The following UNC80 variants were observed in gnomAD, a reference collection of about 807,000 sequenced individuals.
The protein encoded by UNC80 is unc-80 subunit of NALCN channel complex, also known as protein unc-80 homolog.
In UNC80, 164 loss-of-function variants were observed where a neutral mutation model predicts 384.6. The observed-to-expected ratio is 0.43, with a 90% confidence interval of 0.38 to 0.49. UNC80 has a LOEUF of 0.49. Among genes scored for constraint, UNC80 ranks in the 20% least tolerant of loss-of-function variants. UNC80 has a pLI of 0.00. For missense variants in UNC80, 3,330 were observed against 4,143.0 expected (o/e 0.80, Z 5.39); for synonymous variants, 1,486 against 1,527.8 (o/e 0.97, Z 0.64).
intron 41 of UNC80, 27 bp downstream of exon 41, chr2:209,936,960 T>C (rs1451619113): frequency 2.0e-6 from 3 of 1,466,056 alleles, no homozygotes; most frequent in Non-Finnish European, 1.9e-6. Context: ...GACATCCCCG[T>C]TGAGTTGTGC....
chr2:209,917,856 G>A lies in UNC80; in HGVS notation c.5109G>A (p.Glu1703=), dbSNP rs936338055. 1.3e-6 allele frequency: 2 copies of A among 1,551,908 alleles called. No homozygotes were observed. Among genetic ancestry groups the A allele is most frequent in the Admixed American group, 2.0e-5 (1 of 50,984 alleles). The change falls in exon 32 of 65, where the codon GAG becomes GAA. Residue 1703 remains glutamate, a synonymous_variant. Coordinates refer to ENST00000673920, the MANE Select transcript of UNC80 (RefSeq NM_001371986.1). ...TGATGTCAGAGTTCCACCACCCGGA[G>A]ACTGTGCAGAGGCTGAACGCTGTCC... ...DMLMSEFHHP[E]TVQRLNAVLK... is the part of the protein sequence containing the mutation.
chr2:209,944,215 C>G (rs1032132049), intron 45 of UNC80, among the ~76,000 whole-genome samples: 1 of 152,174 alleles, frequency 6.6e-6, no homozygotes, highest in African/African-American at 2.4e-5. Flanking sequence ...TTTAAATATT[C>G]AATTCATAAA....
intron 47 of UNC80, among the ~76,000 whole-genome samples, chr2:209,949,218 G>C (rs1391584461): frequency 6.6e-6 from 1 of 152,174 alleles, no homozygotes; most frequent in Non-Finnish European, 1.5e-5. Context: ...AGGAGTAGAA[G>C]AGATATTCTA....
At chr2:209,986,055 G>T (rs1364302085) in intron 61 of UNC80, among the ~76,000 whole-genome samples, 1 of 152,172 alleles carries the variant, frequency 6.6e-6, no homozygotes, top group Non-Finnish European at 1.5e-5. Flanking sequence ...GCTGCAGAAT[G>T]CAGACTTAAT....
chr2:209,817,636 A>G (rs550425011), intron 10 of UNC80, among the ~76,000 whole-genome samples, 176 bp from the exon 11 acceptor site: 8 of 152,278 alleles, frequency 5.3e-5, no homozygotes, highest in Non-Finnish European at 8.8e-5. Flanking sequence ...AGCTTCATCA[A>G]TCATCCTGAC....
chr2:209,825,910 G>C lies in UNC80; in HGVS notation c.2335G>C (p.Glu779Gln). 1 of 1,536,672 alleles carries C rather than the reference G, an allele frequency of 6.5e-7. No individual in the cohort carries two copies. Among genetic ancestry groups the C allele is most frequent in the Middle Eastern group, 1.7e-4 (1 of 5,896 alleles). The change falls in exon 14 of 65, where the codon GAA becomes CAA. Residue 779 changes from glutamate to glutamine, a missense_variant. Transcript: ENST00000673920. ...CTTTCTCATTCGTGGGTACCAGGAT[G>C]AAAGTACACCTGTAAGCAACCATAG... is the stretch of plus-strand genomic sequence containing the variant. The part of the protein sequence containing the change: ...EKNDKNQEKD[E>Q]STPVSNHRLA...
intron 18 of UNC80, among the ~76,000 whole-genome samples, chr2:209,838,067 G>A (rs531907599): frequency 1.2e-4 from 19 of 152,038 alleles, no homozygotes; most frequent in Non-Finnish European, 2.4e-4. Flanking sequence ...CACTGCGCCC[G>A]GCCTTGTACC....
At chr2:209,911,085 C>G (rs1382489796) in intron 29 of UNC80, among the ~76,000 whole-genome samples, 4 of 152,040 alleles carry the variant, frequency 2.6e-5, no homozygotes, top group Admixed American at 1.3e-4. Flanking sequence ...CCTTGGGAAA[C>G]TTACAATCAT....
chr2:209,985,877 T>C (rs1266365523), intron 61 of UNC80, among the ~76,000 whole-genome samples: 3 of 152,220 alleles, frequency 2.0e-5, no homozygotes, highest in East Asian at 3.8e-4. Flanking sequence ...TCTTTTGTTT[T>C]CTTTGCATCT....
At chr2:209,969,724 C>G in intron 52 of UNC80, 44 bp from the exon 53 acceptor site, 1 of 1,549,618 alleles carries the variant, frequency 6.5e-7, no homozygotes, top group Middle Eastern at 1.7e-4. Context: ...TCAGACTCTC[C>G]AGAAGGGAGC....
intron 53 of UNC80, 188 bp downstream of exon 53, chr2:209,970,079 T>C: frequency 1.5e-6 from 1 of 687,798 alleles, no homozygotes; most frequent in Non-Finnish European, 2.3e-6. Context: ...CAGGAACCCA[T>C]CCCTACACAG....
At position 209,849,401 on chromosome 2, in the gene UNC80, C is replaced by T. The variant is rs1404794667; in HGVS notation, c.3455-50C>T. 2.6e-6 allele frequency: 4 copies of T among 1,539,666 alleles called. No homozygotes were observed. The East Asian group carries it at 9.8e-5, about 38-fold the overall frequency. The stretch of plus-strand genomic sequence containing the variant: ...TTGAAACTCTTTTTAAACCTGTGAT[C>T]CTTTACGTTCTCTCTCTTTCATTCC... On this transcript the variant is annotated intron_variant, in intron 21 of 64. Transcript: ENST00000673920.
At chr2:209,936,550 A>G (rs2091258205) in intron 40 of UNC80, among the ~76,000 whole-genome samples, 2 of 152,294 alleles carry the variant, frequency 1.3e-5, no homozygotes, top group African/African-American at 4.8e-5. Context: ...CAGATGGTCC[A>G]TATCACATTA....
intron 12 of UNC80, 145 bp from the exon 13 acceptor site, chr2:209,820,166 A>G (rs2080035422): frequency 2.4e-6 from 3 of 1,255,834 alleles, no homozygotes; most frequent in South Asian, 2.1e-5. Context: ...CAACTTTTAT[A>G]GGAAAATTTG....
intron 2 of UNC80, 109 bp downstream of exon 2, chr2:209,773,251 A>T: frequency 1.1e-6 from 1 of 938,250 alleles, no homozygotes; most frequent in Non-Finnish European, 1.6e-6. Flanking sequence ...CACTTGGCAA[A>T]TATTATTGAT....
intron 48 of UNC80, among the ~76,000 whole-genome samples, chr2:209,955,738 TACACACACACAC>T (rs1156428874): frequency 7.5e-5 from 4 of 53,544 alleles, no homozygotes; most frequent in African/African-American, 4.1e-4. Flanking sequence ...TATATATATA[TACACACACACAC>T]ACACACACAG....
intron 26 of UNC80, among the ~76,000 whole-genome samples, chr2:209,893,626 C>A (rs995664672): frequency 6.6e-6 from 1 of 152,106 alleles, no homozygotes; most frequent in South Asian, 2.1e-4. Flanking sequence ...ATTTCACACT[C>A]ATGCTCACCC....
At position 209,842,384 on chromosome 2, in the gene UNC80, G is replaced by A. The variant is rs1357811524; in HGVS notation, c.3392G>A (p.Gly1131Asp). 6.4e-7 allele frequency: 1 copy of A among 1,551,016 alleles called. No individual in the cohort carries two copies. Among genetic ancestry groups the A allele is most frequent in the Non-Finnish European group, 8.7e-7 (1 of 1,146,690 alleles). ...ACTAGTGCTGTGAAGCTTTCTGAAGGTGGGCCAGGAAGTGGCATGGAAAAT... is the reference window on the plus strand; with the variant it reads ...ACTAGTGCTGTGAAGCTTTCTGAAGATGGGCCAGGAAGTGGCATGGAAAAT... ...KFTSAVKLSEGGPGSGMENGR... is the reference protein window; with the variant it reads ...KFTSAVKLSEDGPGSGMENGR... The change falls in exon 21 of 65, where the codon GGT (glycine) becomes GAT (aspartate). Residue 1131 changes from glycine (G) to aspartate (D), a missense_variant. Transcript: ENST00000673920.
Position 209,976,032 on chromosome 2 carries a change from A to G in UNC80, c.8588-87A>G. On this transcript the variant is annotated intron_variant, in intron 56 of 64. Coordinates refer to ENST00000673920, the MANE Select transcript of UNC80 (RefSeq NM_001371986.1). This position sits in a 1 kb window ranked among gnomAD's most constrained non-coding sequence, Gnocchi z 4.3. ...GAGCTTAGAAATTTAGAAAATTTCT[A>G]AAGGTGCATAAAGGGCTCTGGATGT... The G allele has an allele frequency of 2.9e-6, 4 of 1,368,924 alleles. No homozygotes were observed. The highest frequency in any genetic ancestry group is 2.9e-5 in the Admixed American group (1 of 35,060). 84.8% of individuals were successfully genotyped at this position (1,368,924 alleles called of 1,614,324 possible).
Sources: allele counts gnomAD v4.1 joint callset (sites outside exome capture counted in the v4.1 genomes callset), GRCh38; gene constraint gnomAD v4.1.1; non-coding constraint Gnocchi (gnomAD v3.1); transcripts MANE v1.5; gene names NCBI Gene and HGNC (gene_info 2026-07-23, HGNC 2026-07-21).